EPHX1: variants seen among roughly 807,000 people sequenced by gnomAD.
EPHX1 encodes the protein epoxide hydrolase 1, also known as epoxide hydratase.
A neutral mutation model predicts 43.2 loss-of-function variants in EPHX1; 40 were observed. That is an observed-to-expected ratio of 0.93 (90% CI 0.72 to 1.21). EPHX1 has a LOEUF of 1.21. Ranked by LOEUF, EPHX1 falls within the 50% of genes most tolerant of loss-of-function variation. The pLI is 0.00. For synonymous variants in EPHX1, 221 were observed against 226.7 expected (o/e 0.98, Z 0.22); for missense variants, 550 against 570.4 (o/e 0.96, Z 0.36).
At chr1:225,822,877 G>A (rs1011505572) in intron 1 of EPHX1, among the ~76,000 whole-genome samples, 11 of 152,154 alleles carry the variant, frequency 7.2e-5, no homozygotes, top group Admixed American at 2.0e-4. Context: ...GGTGCCTGAC[G>A]CCATGCACTC....
chr1:225,841,034 AG>A (rs1668358545), intron 6 of EPHX1: 1 of 152,244 alleles, frequency 6.6e-6, no homozygotes, highest in Admixed American at 6.5e-5. Context: ...CTCCTTCAAA[AG>A]AACTTGTGAA....
chr1:225,816,633 C>A (rs956667441), intron 1 of EPHX1, among the ~76,000 whole-genome samples: 1 of 152,190 alleles, frequency 6.6e-6, no homozygotes, highest in Admixed American at 6.5e-5. Flanking sequence ...TAGCCGTCCC[C>A]TCTCCGAAGG....
chr1:225,835,382 C>CCTT lies in EPHX1; in HGVS notation c.365-3272_365-3271insCTT, dbSNP rs1553485501. Among the ~76,000 whole-genome samples, 26 of 90,938 alleles carry CCTT rather than the reference C, an allele frequency of 2.9e-4. 4 individuals carry two copies. Among genetic ancestry groups the CCTT allele is most frequent in the South Asian group, 4.4e-4 (1 of 2,284 alleles). 59.7% of individuals were successfully genotyped at this position (90,938 alleles called of 152,430 possible). On this transcript the variant is annotated intron_variant, in intron 3 of 8. Coordinates refer to ENST00000272167, the MANE Select transcript of EPHX1 (RefSeq NM_001136018.4). The stretch of plus-strand genomic sequence containing the variant: ...CACAGGTATGCACCACCACACTAGG[C>CCTT]TTTTTTTTTTTTTTTTTTTTTTCTT...
chr1:225,825,677 G>C (rs1284055473), intron 1 of EPHX1: 6 of 152,232 alleles, frequency 3.9e-5, no homozygotes, highest in Non-Finnish European at 8.8e-5. Context: ...AAATATTGGT[G>C]GAGCTCTTCG....
chr1:225,837,293 TGAC>T (rs1405849180), intron 3 of EPHX1, among the ~76,000 whole-genome samples: 5 of 152,252 alleles, frequency 3.3e-5, no homozygotes, highest in Non-Finnish European at 5.9e-5. Flanking sequence ...TAGACCATGC[TGAC>T]TGCACCAGCC....
intron 6 of EPHX1, among the ~76,000 whole-genome samples, 161 bp from the exon 7 acceptor site, chr1:225,842,205 C>T (rs141484386): frequency 2.0e-5 from 3 of 152,330 alleles, no homozygotes; most frequent in African/African-American, 4.8e-5. Flanking sequence ...GTTAAGGAAG[C>T]GAGGCATGTG....
chr1:225,812,134 G>C (rs993533875), intron 1 of EPHX1, among the ~76,000 whole-genome samples: 7 of 152,134 alleles, frequency 4.6e-5, no homozygotes, highest in African/African-American at 7.2e-5. Flanking sequence ...CCTGATGTTT[G>C]TGTTTGCAGA....
At chr1:225,842,982 C>CCTTT (rs1173999534) in intron 7 of EPHX1, among the ~76,000 whole-genome samples, 2 of 152,226 alleles carry the variant, frequency 1.3e-5, no homozygotes, top group Non-Finnish European at 2.9e-5. Flanking sequence ...TCTGACCCAC[C>CCTTT]CTTTCCAGGG....
At chr1:225,835,503 C>G (rs1667908041) in intron 3 of EPHX1, among the ~76,000 whole-genome samples, 1 of 151,570 alleles carries the variant, frequency 6.6e-6, no homozygotes, top group East Asian at 2.0e-4. Context: ...CATTCTCCTG[C>G]CTCAGCCTCC....
chr1:225,840,069 C>T (rs528020400), intron 6 of EPHX1, 32 bp downstream of exon 6: 38 of 1,609,246 alleles, frequency 2.4e-5, no homozygotes, highest in African/African-American at 1.6e-4. Context: ...CGCCCACTGC[C>T]GGCTCCACTG....
intron 7 of EPHX1, among the ~76,000 whole-genome samples, chr1:225,843,544 G>A (rs550788320): frequency 1.3e-5 from 2 of 152,316 alleles, no homozygotes; most frequent in African/African-American, 4.8e-5. Flanking sequence ...CACCTTGGCA[G>A]GGGGTCTGGC....
At chr1:225,838,603 C>T (rs762527845) in intron 3 of EPHX1, 51 bp from the exon 4 acceptor site, 5 of 1,532,740 alleles carry the variant, frequency 3.3e-6, no homozygotes, top group Non-Finnish European at 3.6e-6. Flanking sequence ...AGAGCCTGAC[C>T]GTGCAGGGTC....
rs978489385 is a variant in EPHX1, at chr1:225,817,987, A to G, written c.-6+7818A>G. On this transcript the variant is annotated intron_variant, in intron 1 of 8. Coordinates refer to ENST00000272167, the MANE Select transcript of EPHX1 (RefSeq NM_001136018.4). The surrounding 1 kb of genome is among the most constrained non-coding windows in gnomAD (Gnocchi z 5.7). ...CCTTTACTTTGTGTGGCCGGATCTG[A>G]GTCTGACCCCATCTTTTTAGACCCA... 6.6e-6 allele frequency among the ~76,000 whole-genome samples: 1 copy of G among 152,076 alleles called. No individual in the cohort carries two copies. The highest frequency in any genetic ancestry group is 1.5e-5 in the Non-Finnish European group (1 of 68,024).
chr1:225,822,229 A>ATG (rs1165338644), intron 1 of EPHX1, among the ~76,000 whole-genome samples: 8 of 152,182 alleles, frequency 5.3e-5, no homozygotes, highest in Non-Finnish European at 1.2e-4. Context: ...TCTTCCAGTC[A>ATG]CGTTTTTAAA....
chr1:225,830,631 A>G (rs1667527867), intron 2 of EPHX1, among the ~76,000 whole-genome samples: 1 of 152,006 alleles, frequency 6.6e-6, no homozygotes, highest in South Asian at 2.1e-4. Context: ...TGCCTGGCTA[A>G]TTTTTGTATT....
chr1:225,836,547 G>A (rs781312111), intron 3 of EPHX1, among the ~76,000 whole-genome samples: 1 of 152,104 alleles, frequency 6.6e-6, no homozygotes. Context: ...GCAGTGAGCC[G>A]TGATTGTGCC....
chr1:225,831,493 G>A (rs978069934), intron 2 of EPHX1, among the ~76,000 whole-genome samples: 2 of 151,688 alleles, frequency 1.3e-5, no homozygotes, highest in South Asian at 2.1e-4. Context: ...GTTGCAGTGG[G>A]CCGAGATCAC....
At chr1:225,829,519 TAG>T (rs1365265875) in intron 2 of EPHX1, among the ~76,000 whole-genome samples, 5 of 151,900 alleles carry the variant, frequency 3.3e-5, no homozygotes, top group African/African-American at 1.2e-4. Flanking sequence ...TGCACAGGGA[TAG>T]AGTCAGGAAG....
chr1:225,824,818 T>C (rs1667153388), intron 1 of EPHX1, among the ~76,000 whole-genome samples: 1 of 152,190 alleles, frequency 6.6e-6, no homozygotes, highest in Non-Finnish European at 1.5e-5. Flanking sequence ...GCAGCGGGGT[T>C]GGAAACCCAC....
Sources: allele counts gnomAD v4.1 joint callset (sites outside exome capture counted in the v4.1 genomes callset), GRCh38; gene constraint gnomAD v4.1.1; non-coding constraint Gnocchi (gnomAD v3.1); transcripts MANE v1.5; gene names NCBI Gene and HGNC (gene_info 2026-07-23, HGNC 2026-07-21).